The following SHC4 variants were observed in gnomAD, a reference collection of about 807,000 sequenced individuals.
The protein encoded by SHC4 is SHC-transforming protein 4.
SHC4 carries 41 observed loss-of-function variants against 69.4 expected under a neutral mutation model. That is an observed-to-expected ratio of 0.59 (90% CI 0.46 to 0.77). SHC4 has a LOEUF of 0.77. SHC4 is among the 30% of genes least tolerant of loss of function. The pLI is 0.00. For synonymous variants in SHC4, 318 were observed against 299.3 expected (o/e 1.06, Z -0.64); for missense variants, 777 against 783.8 (o/e 0.99, Z 0.10).
At chr15:48,836,023 C>CAAA (rs57343981) in intron 10 of SHC4, among the ~76,000 whole-genome samples, 211 of 60,080 alleles carry the variant, frequency 3.5e-3, no homozygotes, top group Middle Eastern at 0.03. Context: ...ACAAAAAATC[C>CAAA]AAAAAAAAAA....
intron 4 of SHC4, among the ~76,000 whole-genome samples, chr15:48,873,414 A>G (rs889758964): frequency 6.6e-6 from 1 of 152,256 alleles, no homozygotes; most frequent in Non-Finnish European, 1.5e-5. Context: ...CAGTAAAAAC[A>G]AAGTCAATAT....
chr15:48,834,678 A>C (rs1438130887), intron 11 of SHC4, 91 bp downstream of exon 11: 1 of 1,526,968 alleles, frequency 6.5e-7, no homozygotes, highest in African/African-American at 1.4e-5. Context: ...CTTAGCCTTG[A>C]GCACTATTCA....
At chr15:48,878,914 G>A in intron 4 of SHC4, 1 of 518,472 alleles carries the variant, frequency 1.9e-6, no homozygotes, top group South Asian at 4.2e-5. Context: ...AAAAGGAAGA[G>A]AATCATTAAA....
At chr15:48,936,090 T>C (rs1258042359) in intron 1 of SHC4, among the ~76,000 whole-genome samples, 1 of 152,134 alleles carries the variant, frequency 6.6e-6, no homozygotes, top group African/African-American at 2.4e-5. Context: ...CAGGGAGTGT[T>C]GTATCCCCAA....
rs190381161 is a variant in SHC4 at position 48,857,583 on chromosome 15, C to A, written c.1070+109G>T. 67 of 1,022,814 alleles carry A rather than the reference C, an allele frequency of 6.6e-5. No homozygotes were observed. In the African/African-American group the frequency reaches 9.9e-4, roughly 15 times the overall value. The allele number at this position is 1,022,814 out of a possible 1,614,324, so 63.4% of individuals were successfully genotyped here. On this transcript the variant is annotated intron_variant, in intron 7 of 11. Transcript: ENST00000332408. ...AAAAAAATTACTAATTTTATTAGTTCATTTTAAAATGCCACATTAATGTTA... is the reference window on the plus strand; with the variant it reads ...AAAAAAATTACTAATTTTATTAGTTAATTTTAAAATGCCACATTAATGTTA...
chr15:48,955,196 C>CCCA (rs1166801246), intron 1 of SHC4, among the ~76,000 whole-genome samples: 2 of 152,156 alleles, frequency 1.3e-5, no homozygotes, highest in Non-Finnish European at 2.9e-5. Flanking sequence ...AAGCTTCTTT[C>CCCA]CCACATATTC....
chr15:48,948,128 T>C (rs1901306164), intron 1 of SHC4: 1 of 152,160 alleles, frequency 6.6e-6, no homozygotes, highest in African/African-American at 2.4e-5. Flanking sequence ...CCTAGCTGTG[T>C]TTTTTATTTC....
At chr15:48,850,129 G>C (rs1407887629) in intron 9 of SHC4, among the ~76,000 whole-genome samples, 1 of 152,182 alleles carries the variant, frequency 6.6e-6, no homozygotes, top group Non-Finnish European at 1.5e-5. Context: ...CTTGAACCCG[G>C]AAGGCTGAGG....
At chr15:48,864,882 C>A (rs1054382114) in intron 6 of SHC4, among the ~76,000 whole-genome samples, 22 of 152,236 alleles carry the variant, frequency 1.4e-4, no homozygotes, top group African/African-American at 3.9e-4. Context: ...ATTCAAAGTC[C>A]CCCCACAATC....
rs752733578 is a variant in SHC4 at position 48,851,236 on chromosome 15, T to TG, written c.1254dup (p.Lys419GlnfsTer7). ...CAGTTCTCATATACACTGCTGCACT[T>TG]GGAGTTTCCAGGCTGCATGAACAAC... On this transcript the variant is annotated frameshift_variant, in exon 9 of 12. Coordinates refer to ENST00000332408, the MANE Select transcript of SHC4 (RefSeq NM_203349.4). LOFTEE classifies it high-confidence loss of function. 3.7e-6 allele frequency: 6 copies of TG among 1,614,108 alleles called. No homozygotes were observed. The South Asian group carries it at 6.6e-5, about 18-fold the overall frequency.
intron 10 of SHC4, among the ~76,000 whole-genome samples, chr15:48,839,175 T>C (rs1898948431): frequency 6.6e-6 from 1 of 152,160 alleles, no homozygotes; most frequent in African/African-American, 2.4e-5. Context: ...CTATGGATGT[T>C]TTAGGCACTA....
chr15:48,924,899 T>A lies in SHC4; in HGVS notation c.636A>T (p.Gly212=). 2 of 1,614,066 alleles carry A rather than the reference T, an allele frequency of 1.2e-6. No individual in the cohort carries two copies. The highest frequency in any genetic ancestry group is 1.7e-6 in the Non-Finnish European group (2 of 1,179,990). Residue 212 remains glycine (G), a synonymous_variant, in exon 2 of 12, where the codon GGA becomes GGT. Coordinates refer to ENST00000332408, the MANE Select transcript of SHC4 (RefSeq NM_203349.4). ...CTTACCTTGTAACTTGGGTTCTCAT[T>A]CCAAAATCCAGTGATCTCATTGATT... The part of the protein sequence containing the change: ...VLQSMRSLDF[G]MRTQVTREAI...
At chr15:48,945,374 A>G (rs1190846107) in intron 1 of SHC4, among the ~76,000 whole-genome samples, 1 of 152,084 alleles carries the variant, frequency 6.6e-6, no homozygotes, top group African/African-American at 2.4e-5. Context: ...CTGGGTGTAC[A>G]CCCAAGAAAG....
intron 8 of SHC4, 82 bp from the exon 9 acceptor site, chr15:48,851,330 A>G (rs941097373): frequency 7.6e-6 from 10 of 1,318,948 alleles, no homozygotes; most frequent in African/African-American, 1.5e-5. Context: ...TAATAATCCC[A>G]GAAGAATATA....
At chr15:48,936,376 G>T (rs1341714081) in intron 1 of SHC4, among the ~76,000 whole-genome samples, 2 of 152,108 alleles carry the variant, frequency 1.3e-5, no homozygotes, top group African/African-American at 4.8e-5. Context: ...CTTTCTCCAG[G>T]GTTCCTGCCC....
chr15:48,864,436 CTTTTTTTTTT>C (rs35549079), intron 6 of SHC4, among the ~76,000 whole-genome samples: 7 of 55,010 alleles, frequency 1.3e-4, no homozygotes, highest in African/African-American at 2.1e-4. Context: ...ATACCACTTT[CTTTTTTTTTT>C]TTTTTTTTTT....
intron 2 of SHC4, among the ~76,000 whole-genome samples, chr15:48,915,795 T>C (rs1010950024): frequency 6.6e-6 from 1 of 152,218 alleles, no homozygotes; most frequent in Non-Finnish European, 1.5e-5. Context: ...ATCCTTAGTA[T>C]AATCACTATA....
rs2140982699 is a variant in SHC4, at chr15:48,855,957, T to C, written c.1238A>G (p.Tyr413Cys). The change falls in exon 8 of 12, where the codon TAT becomes TGT. Residue 413 changes from tyrosine (Y) to cysteine (C), a missense_variant. Coordinates refer to ENST00000332408, the MANE Select transcript of SHC4 (RefSeq NM_203349.4). ...YCPIQCEKLCYLPGNSKCSSV... is the reference protein window; with the variant it reads ...YCPIQCEKLCCLPGNSKCSSV... ...CAACAATAAAACATTACATACCAAA[T>C]AGCACAACTTTTCACACTGTATGGG... 6.2e-7 allele frequency: 1 copy of C among 1,608,866 alleles called. No homozygotes were observed. The highest frequency in any genetic ancestry group is 1.1e-5 in the South Asian group (1 of 89,858).
At chr15:48,888,666 G>C (rs1369044715) in intron 3 of SHC4, among the ~76,000 whole-genome samples, 1 of 152,008 alleles carries the variant, frequency 6.6e-6, no homozygotes, top group Non-Finnish European at 1.5e-5. Context: ...GGCTGAGATG[G>C]GCAGATCACT....
Sources: allele counts gnomAD v4.1 joint callset (sites outside exome capture counted in the v4.1 genomes callset), GRCh38; gene constraint gnomAD v4.1.1; transcripts MANE v1.5; gene names NCBI Gene and HGNC (gene_info 2026-07-23, HGNC 2026-07-21).